The following IGF2BP3 variants were observed in gnomAD, a reference collection of about 807,000 sequenced individuals.
IGF2BP3 encodes insulin like growth factor 2 mRNA binding protein 3.
In IGF2BP3, 9 loss-of-function variants were observed where a neutral mutation model predicts 73.8. The ratio of observed to expected loss-of-function variants is 0.12; its 90% CI spans 0.07 to 0.21. The LOEUF (loss-of-function observed/expected upper bound fraction) is 0.21, where lower values mean the gene tolerates loss of function less well. Among genes scored for constraint, IGF2BP3 ranks in the 10% least tolerant of loss-of-function variants. The probability of loss-of-function intolerance (pLI) is 1.00; values close to 1 mark genes in which losing one functional copy is unlikely to be tolerated. For synonymous variants in IGF2BP3, 258 were observed against 256.7 expected, an observed-to-expected ratio of 1.01 and a Z score of -0.05; for missense variants, 542 against 714.0, an observed-to-expected ratio of 0.76 and a Z score of 2.75.
At chr7:23,419,045 T>G (rs1787271905) in intron 2 of IGF2BP3, among the ~76,000 whole-genome samples, 1 of 152,250 alleles carries the variant, frequency 6.6e-6, no homozygotes, top group Admixed American at 6.5e-5. Context: ...CTGTTATGAC[T>G]TATTTTAAAA....
At chr7:23,400,038 A>G (rs1041562106) in intron 3 of IGF2BP3, among the ~76,000 whole-genome samples, 2 of 152,168 alleles carry the variant, frequency 1.3e-5, no homozygotes, top group Non-Finnish European at 2.9e-5. Context: ...TAAGGCATAC[A>G]TGGTATAAAA....
intron 3 of IGF2BP3, among the ~76,000 whole-genome samples, chr7:23,373,573 G>A (rs1785624188): frequency 6.6e-6 from 1 of 152,112 alleles, no homozygotes. Context: ...ACACAGATGT[G>A]GAAAAATCAA....
chr7:23,393,960 G>T (rs956003582), intron 3 of IGF2BP3, among the ~76,000 whole-genome samples: 4 of 152,064 alleles, frequency 2.6e-5, no homozygotes, highest in Admixed American at 1.3e-4. Flanking sequence ...TATTAGGAGG[G>T]TACACAAATC....
intron 2 of IGF2BP3, among the ~76,000 whole-genome samples, chr7:23,422,150 C>G (rs982500905): frequency 1.3e-5 from 2 of 152,130 alleles, no homozygotes; most frequent in Non-Finnish European, 2.9e-5. Flanking sequence ...AGTATTCACA[C>G]CTACACTGGC....
chr7:23,421,871 G>A (rs1381906225), intron 2 of IGF2BP3, among the ~76,000 whole-genome samples: 4 of 151,852 alleles, frequency 2.6e-5, no homozygotes, highest in Non-Finnish European at 5.9e-5. Flanking sequence ...TGCAACCTCC[G>A]CCTCCCGGGC....
chr7:23,384,720 G>A lies in IGF2BP3; in HGVS notation c.286-22979C>T, dbSNP rs540286579. Among the ~76,000 whole-genome samples the A allele has an allele frequency of 7.2e-5, 11 of 152,088 alleles. No individual in the cohort carries two copies. In the South Asian group the frequency reaches 1.9e-3, roughly 26 times the overall value. On this transcript the variant is annotated intron_variant, in intron 3 of 14. Transcript: ENST00000258729. ...AGCCTGGGCAACATGGCAAAACCCC[G>A]TCTCTACAAAAAATACAAAAATTAG...
intron 2 of IGF2BP3, among the ~76,000 whole-genome samples, chr7:23,441,636 GAA>G (rs1350391947): frequency 8.3e-6 from 1 of 120,542 alleles, no homozygotes; most frequent in African/African-American, 3.1e-5. Context: ...TAGATTTAGG[GAA>G]AAAAAAAAAG....
At chr7:23,420,471 C>A (rs1787313676) in intron 2 of IGF2BP3, among the ~76,000 whole-genome samples, 1 of 151,854 alleles carries the variant, frequency 6.6e-6, no homozygotes, top group African/African-American at 2.4e-5. Flanking sequence ...GAGTGACAAC[C>A]TGTCTCAAAA....
intron 12 of IGF2BP3, among the ~76,000 whole-genome samples, chr7:23,316,677 A>AG (rs1346073468): frequency 1.3e-5 from 2 of 150,274 alleles, no homozygotes. Context: ...TCTGTCTCAA[A>AG]AAAAAAAAAA....
At chr7:23,374,322 C>T (rs1406076564) in intron 3 of IGF2BP3, among the ~76,000 whole-genome samples, 1 of 152,114 alleles carries the variant, frequency 6.6e-6, no homozygotes, top group Non-Finnish European at 1.5e-5. Flanking sequence ...CAGCAACCCC[C>T]TACCTTGGAT....
chr7:23,326,969 A>G (rs1449230663), intron 10 of IGF2BP3, among the ~76,000 whole-genome samples: 2 of 149,798 alleles, frequency 1.3e-5, no homozygotes, highest in Admixed American at 6.7e-5. Context: ...CTAATGCTAG[A>G]TGACGAGTTA....
intron 2 of IGF2BP3, among the ~76,000 whole-genome samples, chr7:23,426,214 C>T (rs1787505709): frequency 6.7e-6 from 1 of 150,184 alleles, no homozygotes; most frequent in Non-Finnish European, 1.5e-5. Context: ...GTAATCCCAG[C>T]TAATTGGGAG....
At chr7:23,400,838 G>T (rs1239807406) in intron 3 of IGF2BP3, among the ~76,000 whole-genome samples, 1 of 152,176 alleles carries the variant, frequency 6.6e-6, no homozygotes, top group Non-Finnish European at 1.5e-5. Flanking sequence ...CTTGCTCTGT[G>T]GCCTAGGCTG....
chr7:23,440,130 G>A (rs180796139), intron 2 of IGF2BP3, among the ~76,000 whole-genome samples: 115 of 152,272 alleles, frequency 7.6e-4, no homozygotes, highest in African/African-American at 2.7e-3. Flanking sequence ...GGGTGTGGTG[G>A]CACGCGCCTG....
At chr7:23,430,266 G>C (rs1787636482) in intron 2 of IGF2BP3, among the ~76,000 whole-genome samples, 1 of 152,134 alleles carries the variant, frequency 6.6e-6, no homozygotes, top group Non-Finnish European at 1.5e-5. Context: ...TGTATTTTTA[G>C]TAGAGACGGG....
chr7:23,408,113 TAA>T (rs975352454), intron 3 of IGF2BP3, among the ~76,000 whole-genome samples: 2 of 152,146 alleles, frequency 1.3e-5, no homozygotes, highest in Admixed American at 6.5e-5. Context: ...TTCAACCTGA[TAA>T]AGAGTATCTA....
intron 10 of IGF2BP3, among the ~76,000 whole-genome samples, chr7:23,328,353 C>T (rs140856611): frequency 0.027 from 4,054 of 152,160 alleles, 168 homozygotes; most frequent in African/African-American, 0.087. Flanking sequence ...GGATTACAGG[C>T]GTGTGCCACC....
At chr7:23,341,726 AT>A (rs982720090) in intron 10 of IGF2BP3, among the ~76,000 whole-genome samples, 10 of 152,102 alleles carry the variant, frequency 6.6e-5, no homozygotes, top group Non-Finnish European at 1.5e-5. Context: ...AAACCTGCAC[AT>A]TCTGCACATG....
intron 2 of IGF2BP3, among the ~76,000 whole-genome samples, chr7:23,424,761 T>G (rs1258435699): frequency 1.3e-5 from 2 of 152,142 alleles, no homozygotes; most frequent in African/African-American, 4.8e-5. Context: ...TAAAATTAAT[T>G]TTTAAGAGCC....
Sources: allele counts gnomAD v4.1 joint callset (sites outside exome capture counted in the v4.1 genomes callset), GRCh38; gene constraint gnomAD v4.1.1; transcripts MANE v1.5; gene names NCBI Gene and HGNC (gene_info 2026-07-23, HGNC 2026-07-21).